The following XKRX variants were observed in gnomAD, a reference collection of about 807,000 sequenced individuals.
XKRX encodes XK related X-linked, also known as XK-related protein 2.
In XKRX, 11 loss-of-function variants were observed where a neutral mutation model predicts 22.4. The ratio of observed to expected loss-of-function variants is 0.49; its 90% confidence interval spans 0.31 to 0.81. XKRX has a LOEUF of 0.81. XKRX is among the 40% of genes least tolerant of loss of function. The pLI, the probability that XKRX is intolerant of heterozygous loss-of-function variation, is 0.05. For synonymous variants in XKRX, 114 were observed against 132.2 expected (o/e 0.86, Z 0.94); for missense variants, 320 against 336.5 (o/e 0.95, Z 0.38).
At chrX:100,942,162 CTAT>C in the XKRX span, among the ~76,000 whole-genome samples, 1 of 111,672 alleles carries the variant, frequency 9.0e-6, no homozygotes, top group Non-Finnish European at 1.9e-5. Context: ...ACTCAGCATA[CTAT>C]TATTATCTCC....
In XKRX at chrX:100,928,685, C is replaced by A; in HGVS notation, c.-381G>T. The A allele has an allele frequency of 1.3e-6, 1 of 790,821 alleles. No homozygotes were observed. The highest frequency in any genetic ancestry group is 1.5e-6 in the Non-Finnish European group (1 of 663,749). 65.2% of individuals were successfully genotyped at this position (790,821 alleles called of 1,213,427 possible). A position where few individuals can be genotyped will look rare whatever the true frequency, so the allele number is the denominator to read the frequency against. On this transcript the variant is annotated 5_prime_UTR_variant, in exon 1 of 3. Coordinates refer to ENST00000372956, the MANE Select transcript of XKRX (RefSeq NM_212559.3). ...TTCCGTGGCGGCTCCTTTCGCAGCC[C>A]CTCAGGCAGGGTGTAGCCGATCTGT...
upstream of XKRX, chrX:100,929,108 CTA>C (rs1264010417): frequency 1.8e-5 from 2 of 112,726 alleles, no homozygotes; most frequent in Non-Finnish European, 3.7e-5. Flanking sequence ...AGAAACTTTG[CTA>C]GTGAGAGGCA....
At chrX:100,891,396 A>C in the XKRX span, among the ~76,000 whole-genome samples, 2,053 of 111,546 alleles carry the variant, frequency 0.018, 58 homozygotes, top group African/African-American at 0.062. Flanking sequence ...CATCCTGAAC[A>C]AAAAGAACAA....
At chrX:100,919,004 T>C (rs1306056102) in intron 2 of XKRX, among the ~76,000 whole-genome samples, 4 of 111,620 alleles carry the variant, frequency 3.6e-5, no homozygotes, top group East Asian at 2.8e-4. Flanking sequence ...AAGAAAACTA[T>C]ACAACTTTAC....
chrX:100,936,676 G>A, the XKRX span, among the ~76,000 whole-genome samples: 547 of 109,711 alleles, frequency 5.0e-3, 4 homozygotes, highest in African/African-American at 0.017. Flanking sequence ...TTGACTCACA[G>A]TTCCACATGG....
the XKRX span, among the ~76,000 whole-genome samples, chrX:100,942,275 G>T: frequency 1.7e-4 from 19 of 112,029 alleles, no homozygotes; most frequent in African/African-American, 6.2e-4. Flanking sequence ...ATCTTCCGAG[G>T]CTCTCCTCAT....
At chrX:100,941,464 G>A in the XKRX span, among the ~76,000 whole-genome samples, 11 of 111,307 alleles carry the variant, frequency 9.9e-5, no homozygotes, top group Non-Finnish European at 1.9e-4. Flanking sequence ...CAGGAGAATC[G>A]TTTGAACCCA....
the XKRX span, among the ~76,000 whole-genome samples, chrX:100,939,888 G>A: frequency 2.7e-5 from 3 of 111,863 alleles, no homozygotes; most frequent in Non-Finnish European, 3.8e-5. Context: ...CACAATCAGT[G>A]GGAAAAACAA....
chrX:100,914,880 C>T lies in XKRX; in HGVS notation c.808G>A (p.Val270Met). Residue 270 changes from valine to methionine, a missense_variant, in exon 3 of 3, where the codon GTG becomes ATG. Physicochemically the swap from Val to Met is conservative, Grantham distance 21. Transcript: ENST00000372956. Reference protein sequence around the residue: ...LFSATLKLKAVPFLVLNFLII... With the variant: ...LFSATLKLKAMPFLVLNFLII... ...AGGAAGTTGAGCACTAGGAAGGGCA[C>T]AGCCTTCAATTTCAAAGTGGCTGAG... is the stretch of plus-strand genomic sequence containing the variant. The T allele has an allele frequency of 7.4e-6, 9 of 1,211,749 alleles. No individual in the cohort carries two copies. Among genetic ancestry groups the T allele is most frequent in the Admixed American group, 2.2e-5 (1 of 46,009 alleles).
chrX:100,917,674 A>AAAGAAAGAAAGAAAGAAAGAAAGAAAAG (rs34196882), intron 2 of XKRX, among the ~76,000 whole-genome samples: 2 of 25,413 alleles, frequency 7.9e-5, no homozygotes, highest in African/African-American at 3.6e-4. Flanking sequence ...AGAAAGAAAG[A>AAAGAAAGAAAGAAAGAAAGAAAGAAAAG]AAAGAAAGAA....
At chrX:100,927,876 A>T in intron 1 of XKRX, 94 bp downstream of exon 1, 1 of 1,030,564 alleles carries the variant, frequency 9.7e-7, no homozygotes, top group Non-Finnish European at 1.3e-6. Flanking sequence ...AATTGATTAG[A>T]GCCATAGTAT....
chrX:100,957,323 C>T, the XKRX span: 35 of 1,087,791 alleles, frequency 3.2e-5, no homozygotes, highest in Non-Finnish European at 4.2e-5. Context: ...ATGGTGACCT[C>T]ATTGTGATTT....
the XKRX span, among the ~76,000 whole-genome samples, chrX:100,941,872 T>C: frequency 9.0e-6 from 1 of 111,583 alleles, no homozygotes; most frequent in Non-Finnish European, 1.9e-5. Context: ...CAAATGTAAA[T>C]ATCACTCAGC....
the XKRX span, among the ~76,000 whole-genome samples, chrX:100,897,007 C>T: frequency 2.7e-3 from 298 of 111,364 alleles, no homozygotes; most frequent in Non-Finnish European, 4.6e-3. Context: ...ACCGTACATC[C>T]CTAATGATAT....
the XKRX span, among the ~76,000 whole-genome samples, chrX:100,890,785 C>T: frequency 9.0e-6 from 1 of 111,361 alleles, no homozygotes; most frequent in Admixed American, 9.6e-5. Context: ...AACTGTTGGG[C>T]TGGCTTGCCA....
the XKRX span, chrX:100,887,731 A>C: frequency 2.8e-6 from 2 of 721,562 alleles, no homozygotes; most frequent in Admixed American, 2.2e-5. Context: ...CTCCGCCACC[A>C]TAGGGGCCAG....
chrX:100,905,114 G>C, the XKRX span, among the ~76,000 whole-genome samples: 3 of 112,043 alleles, frequency 2.7e-5, no homozygotes, highest in African/African-American at 9.7e-5. Context: ...AAGAATATGA[G>C]CTTTGGAATA....
In XKRX at chrX:100,923,124, G is replaced by A; in HGVS notation, c.336-63C>T. Reference sequence around the variant, plus strand: ...GTCCTGGGAAGGGAGGTTGTAGTGAGGGAAAAAAATAACTTGGGGAGGTTG... The same window carrying A: ...GTCCTGGGAAGGGAGGTTGTAGTGAAGGAAAAAAATAACTTGGGGAGGTTG... On this transcript the variant is annotated intron_variant, in intron 1 of 2. Transcript: ENST00000372956. 4.3e-6 allele frequency: 5 copies of A among 1,153,112 alleles called. No individual in the cohort carries two copies. In the South Asian group the frequency reaches 5.8e-5, roughly 13 times the overall value.
intron 2 of XKRX, among the ~76,000 whole-genome samples, chrX:100,917,674 AAAAGAAAGAAAGAAAG>A (rs1556193930): frequency 2.4e-4 from 6 of 25,407 alleles, no homozygotes; most frequent in African/African-American, 1.1e-3. Flanking sequence ...AGAAAGAAAG[AAAAGAAAGAAAGAAAG>A]AAAGAAAGAA....
Sources: allele counts gnomAD v4.1 joint callset (sites outside exome capture counted in the v4.1 genomes callset), GRCh38; gene constraint gnomAD v4.1.1; transcripts MANE v1.5; gene names NCBI Gene and HGNC (gene_info 2026-07-23, HGNC 2026-07-21).